SCHIP1: variants seen among roughly 807,000 people sequenced by gnomAD.
SCHIP1 encodes schwannomin-interacting protein 1.
Under a neutral mutation model 29.7 loss-of-function variants are expected in SCHIP1, and 8 were observed. The ratio of observed to expected loss-of-function variants is 0.27; its 90% CI spans 0.16 to 0.49. The LOEUF is 0.49. Ranked by LOEUF, SCHIP1 falls within the 20% of genes least tolerant of loss-of-function variation. SCHIP1 has a pLI of 0.99. For synonymous variants in SCHIP1, 76 were observed against 94.9 expected, an observed-to-expected ratio of 0.80 and a Z score of 1.16; for missense variants, 193 against 294.6, an observed-to-expected ratio of 0.66 and a Z score of 2.52.
At chr3:159,802,691 G>T in the SCHIP1 span, among the ~76,000 whole-genome samples, 29 of 152,294 alleles carry the variant, frequency 1.9e-4, no homozygotes, top group South Asian at 6.0e-3. Flanking sequence ...TAAGTGGCTT[G>T]TCGTGATGAT....
chr3:159,332,104 A>G, the SCHIP1 span, among the ~76,000 whole-genome samples: 1 of 152,196 alleles, frequency 6.6e-6, no homozygotes, highest in Non-Finnish European at 1.5e-5. Context: ...AGCATACCAC[A>G]GTGTTATTGC....
intron 2 of SCHIP1, among the ~76,000 whole-genome samples, chr3:159,870,562 G>C (rs1046510398): frequency 2.0e-5 from 3 of 151,992 alleles, no homozygotes; most frequent in Admixed American, 6.5e-5. Context: ...AACCATGCTA[G>C]CATACCCAGT....
the SCHIP1 span, among the ~76,000 whole-genome samples, chr3:159,286,626 C>T: frequency 3.9e-5 from 6 of 152,058 alleles, no homozygotes; most frequent in Non-Finnish European, 7.4e-5. Flanking sequence ...AATTCTGCTT[C>T]GAGTTCTTTG....
the SCHIP1 span, among the ~76,000 whole-genome samples, chr3:159,460,390 G>T: frequency 6.6e-6 from 1 of 152,152 alleles, no homozygotes; most frequent in Non-Finnish European, 1.5e-5. Flanking sequence ...AACCAACAAA[G>T]ACCCACAGAA....
At chr3:159,399,024 C>T in the SCHIP1 span, 1 of 755,710 alleles carries the variant, frequency 1.3e-6, no homozygotes, top group Non-Finnish European at 1.6e-6. Context: ...ATTCTAGTGC[C>T]CACCCCAAAC....
intron 1 of SCHIP1, among the ~76,000 whole-genome samples, chr3:159,854,395 T>C (rs1332459156): frequency 6.6e-6 from 1 of 152,116 alleles, no homozygotes; most frequent in East Asian, 1.9e-4. Context: ...TGTGTGTGAG[T>C]GTGGGGACTG....
At chr3:159,799,160 A>G in the SCHIP1 span, among the ~76,000 whole-genome samples, 471 of 152,260 alleles carry the variant, frequency 3.1e-3, 3 homozygotes, top group African/African-American at 0.011. Flanking sequence ...ACTGTTTGCA[A>G]ATTTCGTCTC....
the SCHIP1 span, among the ~76,000 whole-genome samples, chr3:159,571,319 A>G: frequency 1.1e-4 from 17 of 152,166 alleles, no homozygotes; most frequent in African/African-American, 4.1e-4. Flanking sequence ...TACCTAGTTT[A>G]TTGAGAGTTT....
chr3:159,626,089 T>TATATATAG, the SCHIP1 span, among the ~76,000 whole-genome samples: 2 of 98,106 alleles, frequency 2.0e-5, no homozygotes, highest in African/African-American at 1.3e-4. Flanking sequence ...GTGCAGCTTA[T>TATATATAG]ATAGATAGAT....
the SCHIP1 span, among the ~76,000 whole-genome samples, chr3:159,490,079 T>G: frequency 1.3e-5 from 2 of 152,152 alleles, no homozygotes; most frequent in East Asian, 3.8e-4. Context: ...TGCTGAGTAA[T>G]TTTTGTTTTT....
the SCHIP1 span, among the ~76,000 whole-genome samples, chr3:159,756,686 T>C: frequency 6.6e-6 from 1 of 152,230 alleles, no homozygotes; most frequent in East Asian, 1.9e-4. Context: ...CTACAAATTT[T>C]CCAAACTTTT....
the SCHIP1 span, among the ~76,000 whole-genome samples, chr3:159,357,646 CACCAT>C: frequency 1.3e-5 from 2 of 152,206 alleles, no homozygotes; most frequent in Non-Finnish European, 2.9e-5. Flanking sequence ...TTTTTAGAGT[CACCAT>C]ATTTACTTCA....
the SCHIP1 span, among the ~76,000 whole-genome samples, chr3:159,678,045 T>C: frequency 2.0e-5 from 3 of 152,234 alleles, no homozygotes; most frequent in Admixed American, 2.0e-4. Context: ...CTGTGTCCAT[T>C]ATTCTAGTTA....
At chr3:159,840,621 A>G (rs9831996) in intron 1 of SCHIP1, among the ~76,000 whole-genome samples, 33,752 of 152,124 alleles carry the variant, frequency 0.22, 5,036 homozygotes, top group African/African-American at 0.43. Flanking sequence ...TTTTAGGACT[A>G]TCTTTAAGAA....
At chr3:159,745,416 G>A in the SCHIP1 span, among the ~76,000 whole-genome samples, 1 of 152,128 alleles carries the variant, frequency 6.6e-6, no homozygotes, top group Non-Finnish European at 1.5e-5. Context: ...CGGGAGAGAT[G>A]GTTTACTAAA....
At chr3:159,539,432 C>T in the SCHIP1 span, among the ~76,000 whole-genome samples, 21 of 136,062 alleles carry the variant, frequency 1.5e-4, 1 homozygote, top group African/African-American at 4.3e-4. Context: ...TTAATAACCT[C>T]GAATGGACTT....
chr3:159,579,789 C>G, the SCHIP1 span, among the ~76,000 whole-genome samples: 6 of 152,110 alleles, frequency 3.9e-5, no homozygotes, highest in Admixed American at 1.3e-4. Context: ...TTAAGAGGCA[C>G]ATTTTGTAAT....
At chr3:159,701,387 C>A in the SCHIP1 span, among the ~76,000 whole-genome samples, 4 of 152,262 alleles carry the variant, frequency 2.6e-5, no homozygotes, top group East Asian at 7.7e-4. Flanking sequence ...CTACTATCAA[C>A]AGTATATCCT....
At chr3:159,340,113 A>G in the SCHIP1 span, among the ~76,000 whole-genome samples, 1 of 152,110 alleles carries the variant, frequency 6.6e-6, no homozygotes, top group South Asian at 2.1e-4. Context: ...GATGACAGAC[A>G]ATGACTTTAA....
Sources: gnomAD v4.1 joint callset for allele counts (sites outside exome capture counted in the v4.1 genomes callset) on GRCh38, gnomAD v4.1.1 for gene constraint, MANE v1.5 for transcripts, NCBI Gene and HGNC (gene_info 2026-07-23, HGNC 2026-07-21) for gene names.